Variants in ROBO2 observed in about 807,000 individuals in gnomAD.
The protein encoded by ROBO2 is roundabout homolog 2.
Under a neutral mutation model 160.8 loss-of-function variants are expected in ROBO2, and 53 were observed. The observed-to-expected ratio is 0.33, with a 90% CI of 0.26 to 0.41. ROBO2 has a LOEUF of 0.41. Ranked by LOEUF, ROBO2 falls within the 10% of genes least tolerant of loss-of-function variation. The pLI is 1.00. For missense variants in ROBO2, 1,577 were observed against 1,722.4 expected, an observed-to-expected ratio of 0.92 and a Z score of 1.49; for synonymous variants, 664 against 611.7, an observed-to-expected ratio of 1.09 and a Z score of -1.26.
At chr3:76,803,944 C>T (rs1156703597) in intron 2 of ROBO2, among the ~76,000 whole-genome samples, 1 of 152,174 alleles carries the variant, frequency 6.6e-6, no homozygotes, top group African/African-American at 2.4e-5. Context: ...GATGTGTTCA[C>T]TTAAAATGCA....
chr3:76,489,901 A>AT (rs1358220448), intron 2 of ROBO2, among the ~76,000 whole-genome samples: 1 of 152,094 alleles, frequency 6.6e-6, no homozygotes, highest in Non-Finnish European at 1.5e-5. Context: ...TTCAATAAAC[A>AT]TTTTTTTCTT....
At chr3:76,028,452 A>AT (rs1238262826) in intron 2 of ROBO2, among the ~76,000 whole-genome samples, 1 of 151,942 alleles carries the variant, frequency 6.6e-6, no homozygotes, top group Non-Finnish European at 1.5e-5. Flanking sequence ...CAACCATGTG[A>AT]TAAAAACATG....
exon 19 of ROBO2, chr3:77,596,641 T>C: frequency 6.2e-7 from 1 of 1,614,026 alleles, no homozygotes. Flanking sequence ...GTCTTCTCAA[T>C]GCTGGTGATC....
At chr3:76,754,994 A>C (rs2060887475) in intron 2 of ROBO2, among the ~76,000 whole-genome samples, 1 of 151,904 alleles carries the variant, frequency 6.6e-6, no homozygotes. Context: ...TTTTGTCTCT[A>C]GTGATCTACC....
chr3:76,731,638 T>C (rs1048030972), intron 2 of ROBO2, among the ~76,000 whole-genome samples: 5 of 152,326 alleles, frequency 3.3e-5, no homozygotes, highest in African/African-American at 1.2e-4. Context: ...GATCCTGCTT[T>C]TTATGAGGCT....
chr3:77,613,126 A>C (rs1444455588), intron 21 of ROBO2, among the ~76,000 whole-genome samples: 1 of 152,190 alleles, frequency 6.6e-6, no homozygotes, highest in Non-Finnish European at 1.5e-5. Context: ...TGATTAATAA[A>C]AATGAATTGA....
intron 2 of ROBO2, among the ~76,000 whole-genome samples, chr3:76,940,431 C>T (rs1466719771): frequency 6.6e-6 from 1 of 152,170 alleles, no homozygotes; most frequent in Admixed American, 6.5e-5. Context: ...AAGGAATTGG[C>T]CAATAGCTAC....
chr3:76,622,522 C>T (rs1349710121), intron 2 of ROBO2, among the ~76,000 whole-genome samples: 1 of 152,042 alleles, frequency 6.6e-6, no homozygotes, highest in African/African-American at 2.4e-5. Flanking sequence ...TCCCCTATCA[C>T]CCATCACTTT....
At chr3:77,013,657 A>T (rs919703337) in intron 2 of ROBO2, among the ~76,000 whole-genome samples, 1 of 133,324 alleles carries the variant, frequency 7.5e-6, no homozygotes, top group African/African-American at 4.1e-5. Flanking sequence ...AATTGCCTTT[A>T]AAAAAAAATC....
chr3:77,098,842 C>T (rs1437599467), intron 2 of ROBO2, among the ~76,000 whole-genome samples: 2 of 150,944 alleles, frequency 1.3e-5, no homozygotes, highest in African/African-American at 2.5e-5. Context: ...GGCGACAGAG[C>T]GAGACTCCGT....
chr3:77,291,451 G>T (rs2061241140), intron 2 of ROBO2, among the ~76,000 whole-genome samples: 1 of 151,602 alleles, frequency 6.6e-6, no homozygotes. Flanking sequence ...CAGACATGAA[G>T]TAAAATTGAT....
In ROBO2 at chr3:76,576,016, G is replaced by A. The variant is rs528459916; in HGVS notation, c.110-521998G>A. On this transcript the variant is annotated intron_variant, in intron 2 of 26. Coordinates refer to the ROBO2 transcript ENST00000487694. ...AATTGGAAGAATTTCAGTATAAAGT[G>A]GATTCTGCATAAACATATATTTAGG... Among the ~76,000 whole-genome samples the A allele has an allele frequency of 5.9e-5, 9 of 151,902 alleles. No individual in the cohort carries two copies. The South Asian group carries it at 1.5e-3, about 25-fold the overall frequency.
intron 2 of ROBO2, among the ~76,000 whole-genome samples, chr3:76,087,177 A>C (rs1202086933): frequency 2.0e-5 from 3 of 152,066 alleles, no homozygotes; most frequent in Non-Finnish European, 4.4e-5. Flanking sequence ...AGAGAACACC[A>C]AGAAGGATAA....
intron 2 of ROBO2, among the ~76,000 whole-genome samples, chr3:77,429,686 G>T (rs1325252329): frequency 6.6e-6 from 1 of 150,566 alleles, no homozygotes; most frequent in East Asian, 2.0e-4. Flanking sequence ...ATGAGAATCA[G>T]ACCTAGAAAG....
At chr3:77,559,785 A>C (rs746231779) in intron 9 of ROBO2, among the ~76,000 whole-genome samples, 7 of 151,990 alleles carry the variant, frequency 4.6e-5, no homozygotes, top group Non-Finnish European at 7.4e-5. Context: ...TGCACACATA[A>C]GTTTTTACTT....
At chr3:77,510,470 T>C (rs1316800340) in intron 5 of ROBO2, among the ~76,000 whole-genome samples, 1 of 152,006 alleles carries the variant, frequency 6.6e-6, no homozygotes, top group Non-Finnish European at 1.5e-5. Flanking sequence ...GGCAGAGCCA[T>C]TTCAAAAGCC....
chr3:77,339,183 CT>C (rs1171665329), intron 2 of ROBO2, among the ~76,000 whole-genome samples: 3 of 151,872 alleles, frequency 2.0e-5, no homozygotes, highest in Non-Finnish European at 4.4e-5. Context: ...AATTAACACT[CT>C]TTTTTTAATC....
intron 2 of ROBO2, among the ~76,000 whole-genome samples, chr3:77,282,295 T>C (rs1374852586): frequency 6.6e-6 from 1 of 152,144 alleles, no homozygotes; most frequent in African/African-American, 2.4e-5. Flanking sequence ...TTTAAATAAC[T>C]GAATTACTGC....
At chr3:77,470,302 G>C (rs976555456) in intron 2 of ROBO2, among the ~76,000 whole-genome samples, 1 of 152,200 alleles carries the variant, frequency 6.6e-6, no homozygotes, top group Admixed American at 6.5e-5. Flanking sequence ...ACAATGGAAA[G>C]TTTAAAGGAG....
Sources: allele counts gnomAD v4.1 joint callset (sites outside exome capture counted in the v4.1 genomes callset), GRCh38; gene constraint gnomAD v4.1.1; transcripts MANE v1.5; gene names NCBI Gene and HGNC (gene_info 2026-07-23, HGNC 2026-07-21).